EXOSC7: variants seen among roughly 807,000 people sequenced by gnomAD.
EXOSC7 encodes exosome complex component RRP42.
EXOSC7 carries 25 observed loss-of-function variants against 34.3 expected under a neutral mutation model. The ratio of observed to expected loss-of-function variants is 0.73; its 90% CI spans 0.53 to 1.02. EXOSC7 has a LOEUF of 1.02. Among genes scored for constraint, EXOSC7 ranks in the 50% least tolerant of loss-of-function variants. EXOSC7 has a pLI of 0.00. For synonymous variants in EXOSC7, 130 were observed against 143.0 expected (o/e 0.91, Z 0.65); for missense variants, 370 against 368.5 (o/e 1.00, Z -0.03).
chr3:45,011,122 G>A, intron 7 of EXOSC7, 113 bp from the exon 8 acceptor site: 1 of 493,440 alleles, frequency 2.0e-6, no homozygotes, highest in Non-Finnish European at 3.5e-6. Flanking sequence ...CTCTAAGGCA[G>A]ATGGAATGTG....
chr3:45,012,235 G>GA (rs1166496176), downstream of EXOSC7: 1 of 152,130 alleles, frequency 6.6e-6, no homozygotes, highest in Non-Finnish European at 1.5e-5. Context: ...GCTGATTCAC[G>GA]AAGGAGAGCG....
At chr3:45,003,340 TGC>T (rs1559750268) in intron 5 of EXOSC7, among the ~76,000 whole-genome samples, 24 of 146,440 alleles carry the variant, frequency 1.6e-4, no homozygotes, top group East Asian at 5.8e-4. Context: ...CGTGCGTGCG[TGC>T]GTGCGTGCGT....
chr3:44,991,665 C>T (rs1022036465), intron 3 of EXOSC7, among the ~76,000 whole-genome samples: 15 of 152,124 alleles, frequency 9.9e-5, no homozygotes, highest in African/African-American at 2.9e-4. Flanking sequence ...CCTTTCTTGT[C>T]CCAGCTGTAA....
chr3:45,003,435 G>A (rs774212859), intron 5 of EXOSC7, among the ~76,000 whole-genome samples: 1 of 152,118 alleles, frequency 6.6e-6, no homozygotes, highest in Non-Finnish European at 1.5e-5. Flanking sequence ...TGATGGGAAG[G>A]CTCCAAATGG....
intron 4 of EXOSC7, among the ~76,000 whole-genome samples, chr3:44,998,258 A>G (rs1232308804): frequency 2.0e-5 from 3 of 151,194 alleles, no homozygotes; most frequent in African/African-American, 7.3e-5. Flanking sequence ...CATGTCTGGA[A>G]CTCCTGACCT....
At chr3:44,989,441 C>G in intron 2 of EXOSC7, 109 bp from the exon 3 acceptor site, 1 of 933,694 alleles carries the variant, frequency 1.1e-6, no homozygotes, top group East Asian at 2.5e-5. Flanking sequence ...CAAGTCTTAG[C>G]ACTGCTCCTA....
intron 3 of EXOSC7, among the ~76,000 whole-genome samples, chr3:44,994,662 G>T (rs1706666703): frequency 6.6e-6 from 1 of 151,976 alleles, no homozygotes; most frequent in African/African-American, 2.4e-5. Context: ...CAGAATATGG[G>T]GTCTGTGGCT....
At chr3:44,980,016 C>T (rs946923178) in intron 1 of EXOSC7, among the ~76,000 whole-genome samples, 5 of 151,766 alleles carry the variant, frequency 3.3e-5, no homozygotes, top group Non-Finnish European at 5.9e-5. Flanking sequence ...GGCTACTGCC[C>T]CTATTCCAAA....
intron 3 of EXOSC7, among the ~76,000 whole-genome samples, chr3:44,993,045 G>C (rs1706613897): frequency 2.0e-5 from 3 of 152,108 alleles, no homozygotes; most frequent in African/African-American, 7.2e-5. Flanking sequence ...TGGGTTCCTT[G>C]CCTGCTTAGT....
chr3:44,978,698 T>C (rs888761803), intron 1 of EXOSC7, among the ~76,000 whole-genome samples: 2 of 152,114 alleles, frequency 1.3e-5, no homozygotes, highest in Non-Finnish European at 2.9e-5. Flanking sequence ...GAAGGGGTGG[T>C]GAGTCTGTAA....
intron 1 of EXOSC7, among the ~76,000 whole-genome samples, chr3:44,987,339 C>T (rs895436153): frequency 5.9e-5 from 9 of 152,218 alleles, no homozygotes; most frequent in African/African-American, 2.2e-4. Flanking sequence ...AGTGATAGCT[C>T]ACAAACTCAG....
chr3:44,991,588 A>G (rs1402348692), intron 3 of EXOSC7, among the ~76,000 whole-genome samples: 2 of 152,308 alleles, frequency 1.3e-5, no homozygotes, highest in Admixed American at 1.3e-4. Context: ...GATGCTTGGT[A>G]TAGGGGATAC....
chr3:45,007,551 A>C lies in EXOSC7; in HGVS notation c.747A>C (p.Pro249=). 6.2e-7 allele frequency: 1 copy of C among 1,611,924 alleles called. No individual in the cohort carries two copies. Among genetic ancestry groups the C allele is most frequent in the Non-Finnish European group, 8.5e-7 (1 of 1,178,830 alleles). ...AAGTGGGGAAGGGCAGCCTGGACCC[A>C]GAGAGCATCTTCGAGATGATGGAGG... is the stretch of plus-strand genomic sequence containing the variant. ...MRKVGKGSLD[P]ESIFEMMETG... The change falls in exon 7 of 8, where the codon CCA becomes CCC. Residue 249 remains proline, a synonymous_variant. Coordinates refer to ENST00000265564, the MANE Select transcript of EXOSC7 (RefSeq NM_015004.4).
At chr3:45,001,712 A>G (rs1223715090) in intron 5 of EXOSC7, 104 bp downstream of exon 5, 16 of 827,916 alleles carry the variant, frequency 1.9e-5, no homozygotes, top group Non-Finnish European at 3.3e-5. Context: ...TGTGAAGATA[A>G]CAGGGGGTTT....
intron 3 of EXOSC7, among the ~76,000 whole-genome samples, chr3:44,992,700 G>A (rs1255418224): frequency 6.6e-6 from 1 of 152,200 alleles, no homozygotes; most frequent in Non-Finnish European, 1.5e-5. Context: ...TTTAGGAAAA[G>A]GTGGTTTCTA....
At chr3:44,990,437 C>A (rs575821458) in intron 3 of EXOSC7, among the ~76,000 whole-genome samples, 1 of 152,004 alleles carries the variant, frequency 6.6e-6, no homozygotes, top group African/African-American at 2.4e-5. Context: ...GGCCAGGTCC[C>A]GTCTTCTATC....
intron 1 of EXOSC7, among the ~76,000 whole-genome samples, chr3:44,984,523 C>T (rs1023293752): frequency 1.3e-4 from 20 of 151,606 alleles, no homozygotes; most frequent in African/African-American, 4.8e-4. Flanking sequence ...TTGTGGCCAG[C>T]CAGTTCATCC....
intron 1 of EXOSC7, among the ~76,000 whole-genome samples, chr3:44,980,110 C>G (rs929429213): frequency 6.6e-6 from 1 of 151,796 alleles, no homozygotes; most frequent in Non-Finnish European, 1.5e-5. Context: ...AAGTCATAGT[C>G]TTCGATAGAT....
At chr3:45,001,469 C>G (rs936722579) in intron 4 of EXOSC7, 69 bp from the exon 5 acceptor site, 18 of 1,123,536 alleles carry the variant, frequency 1.6e-5, no homozygotes, top group Middle Eastern at 2.0e-4. Context: ...TGTCCTTTAA[C>G]TGGGGTAATA....
Sources: allele counts gnomAD v4.1 joint callset (sites outside exome capture counted in the v4.1 genomes callset), GRCh38; gene constraint gnomAD v4.1.1; transcripts MANE v1.5; gene names NCBI Gene and HGNC (gene_info 2026-07-23, HGNC 2026-07-21).